The following SRGAP3 variants were observed in gnomAD, a reference collection of about 807,000 sequenced individuals.
The protein encoded by SRGAP3 is SLIT-ROBO Rho GTPase-activating protein 3.
In SRGAP3, 39 loss-of-function variants were observed where a neutral mutation model predicts 121.1. The ratio of observed to expected loss-of-function variants is 0.32; its 90% CI spans 0.25 to 0.42. The LOEUF (loss-of-function observed/expected upper bound fraction) is 0.42, where lower values mean the gene tolerates loss of function less well. Among genes scored for constraint, SRGAP3 ranks in the 10% least tolerant of loss-of-function variants. SRGAP3 has a pLI of 1.00. For missense variants in SRGAP3, 1,213 were observed against 1,470.6 expected (o/e 0.82, Z 2.86); for synonymous variants, 601 against 570.0 (o/e 1.05, Z -0.77).
chr3:9,302,453 G>A (rs79057241), intron 3 of SRGAP3, among the ~76,000 whole-genome samples: 23,935 of 152,076 alleles, frequency 0.16, 2,407 homozygotes, highest in Non-Finnish European at 0.23. Context: ...GCATGACATG[G>A]TGTCTGCAAG....
chr3:9,185,581 G>A (rs958016044), intron 1 of SRGAP3, among the ~76,000 whole-genome samples: 4 of 151,818 alleles, frequency 2.6e-5, no homozygotes, highest in Non-Finnish European at 5.9e-5. Context: ...ACCCAGGCTG[G>A]AGTGCAGTGG....
intron 1 of SRGAP3, among the ~76,000 whole-genome samples, chr3:9,229,052 G>A (rs1953104176): frequency 7.9e-6 from 1 of 126,744 alleles, no homozygotes; most frequent in African/African-American, 3.1e-5. Flanking sequence ...CTGGGCGACA[G>A]AGCGAGACTC....
intron 1 of SRGAP3, among the ~76,000 whole-genome samples, chr3:9,140,969 C>A (rs1949825294): frequency 6.6e-6 from 1 of 152,152 alleles, no homozygotes; most frequent in Non-Finnish European, 1.5e-5. Context: ...AGGAAGGTTG[C>A]AAAAATGTGA....
intron 3 of SRGAP3, among the ~76,000 whole-genome samples, chr3:9,303,153 G>A (rs1258056712): frequency 1.3e-5 from 2 of 151,962 alleles, no homozygotes; most frequent in East Asian, 1.9e-4. Context: ...TGCCAGGCGC[G>A]GTGGCTCATG....
intron 1 of SRGAP3, among the ~76,000 whole-genome samples, chr3:9,356,962 T>A (rs1404876867): frequency 6.6e-6 from 1 of 152,178 alleles, no homozygotes; most frequent in African/African-American, 2.4e-5. Flanking sequence ...TGTATTTTTT[T>A]ATATTATTTT....
chr3:9,317,442 GTT>G (rs936431756), intron 3 of SRGAP3, among the ~76,000 whole-genome samples: 2 of 152,198 alleles, frequency 1.3e-5, no homozygotes, highest in African/African-American at 4.8e-5. Context: ...CCATCTCACT[GTT>G]TTCCTTCCAG....
At position 9,104,781 on chromosome 3, in the gene SRGAP3, G is replaced by A. The variant is rs1560157659; in HGVS notation, c.322C>T (p.Arg108Trp). The A allele has an allele frequency of 6.2e-6, 10 of 1,614,062 alleles. No individual in the cohort carries two copies. Among genetic ancestry groups the A allele is most frequent in the South Asian group, 1.1e-5 (1 of 91,086 alleles). The change falls in exon 3 of 22, where the codon CGG (arginine) becomes TGG (tryptophan). Residue 108 changes from arginine to tryptophan, a missense_variant. This residue lies in a region of SRGAP3 where 793 missense variants were observed against 1,032.9 expected (regional missense o/e 0.77). Coordinates refer to ENST00000383836, the MANE Select transcript of SRGAP3 (RefSeq NM_014850.4). ...CWYLVLHQTR[R>W]ESRDHATLND... ...AGGGTGGCATGGTCTCGGCTCTCCC[G>A]CCGGGTCTGATGCAGAACCAGATAC...
chr3:9,354,428 C>T (rs1207959383), intron 1 of SRGAP3, among the ~76,000 whole-genome samples: 1 of 151,886 alleles, frequency 6.6e-6, no homozygotes, highest in African/African-American at 2.4e-5. Context: ...GCCTGTAATC[C>T]CAGCACTTTG....
At chr3:9,195,785 A>T (rs1261596940) in intron 1 of SRGAP3, among the ~76,000 whole-genome samples, 1 of 151,994 alleles carries the variant, frequency 6.6e-6, no homozygotes, top group East Asian at 1.9e-4. Context: ...GCAAGACGCC[A>T]TCTCTACAAA....
At chr3:9,137,281 G>C (rs752764579) in intron 1 of SRGAP3, among the ~76,000 whole-genome samples, 2 of 152,088 alleles carry the variant, frequency 1.3e-5, no homozygotes, top group Admixed American at 6.6e-5. Context: ...GGTAGTAAAG[G>C]CCAGGCTTAG....
At chr3:8,998,254 T>A (rs2124967468) in intron 18 of SRGAP3, among the ~76,000 whole-genome samples, 1 of 152,370 alleles carries the variant, frequency 6.6e-6, no homozygotes, top group East Asian at 1.9e-4. Flanking sequence ...TTGTACTTCC[T>A]ATTGCTTCTC....
In SRGAP3 at chr3:8,990,834, C is replaced by T. The variant is rs911132498; in HGVS notation, c.2564G>A (p.Arg855Gln). 3.3e-6 allele frequency: 5 copies of T among 1,537,636 alleles called. No individual in the cohort carries two copies. The highest frequency in any genetic ancestry group is 1.4e-5 in the African/African-American group (1 of 73,132). ...GATGGCTGCTCCATCAGATCGTAAC[C>T]GCACTCTGCAAAGGAGCCAGGGGGC... Reference protein sequence around the residue: ...YGFGGVMGRVRLRSDGAAIPR... With the variant: ...YGFGGVMGRVQLRSDGAAIPR... The change falls in exon 21 of 22, where the codon CGG (arginine) becomes CAG (glutamine). Residue 855 changes from arginine (R) to glutamine (Q), a missense_variant. Around this residue, in one of 2 missense-constraint regions of SRGAP3, gnomAD observed 420 missense variants for 437.7 expected, o/e 0.96. Coordinates refer to ENST00000383836, the MANE Select transcript of SRGAP3 (RefSeq NM_014850.4).
At chr3:9,066,226 C>T (rs371042631) in intron 4 of SRGAP3, among the ~76,000 whole-genome samples, 5 of 152,318 alleles carry the variant, frequency 3.3e-5, no homozygotes, top group East Asian at 1.9e-4. Flanking sequence ...TACTTTTCTT[C>T]TGCAATGCCA....
intron 4 of SRGAP3, among the ~76,000 whole-genome samples, chr3:9,076,250 G>A (rs1158708971): frequency 1.3e-5 from 2 of 152,076 alleles, no homozygotes; most frequent in Non-Finnish European, 2.9e-5. Context: ...ACAGAGTTTC[G>A]AGGTAGTTTG....
At chr3:9,224,004 A>G (rs974206665) in intron 1 of SRGAP3, among the ~76,000 whole-genome samples, 11 of 152,156 alleles carry the variant, frequency 7.2e-5, no homozygotes, top group African/African-American at 2.7e-4. Flanking sequence ...TTCCTTGTGC[A>G]ATGCCATTTC....
intron 3 of SRGAP3, among the ~76,000 whole-genome samples, chr3:9,311,854 C>T (rs1955252866): frequency 2.0e-5 from 3 of 152,150 alleles, no homozygotes; most frequent in African/African-American, 7.2e-5. Flanking sequence ...ACTTACCCTG[C>T]TGTAATACTA....
chr3:9,354,204 A>C (rs1375071222), intron 1 of SRGAP3, among the ~76,000 whole-genome samples: 1 of 152,182 alleles, frequency 6.6e-6, no homozygotes, highest in East Asian at 1.9e-4. Context: ...TAATAGCAAA[A>C]ATTGAAAAAG....
At chr3:9,096,240 G>A (rs566237671) in intron 3 of SRGAP3, among the ~76,000 whole-genome samples, 3 of 152,170 alleles carry the variant, frequency 2.0e-5, no homozygotes, top group Non-Finnish European at 2.9e-5. Context: ...ATAATTTGTA[G>A]TCAAAGAAAT....
chr3:9,025,661 T>A (rs1188783618), intron 13 of SRGAP3, among the ~76,000 whole-genome samples: 2 of 152,136 alleles, frequency 1.3e-5, no homozygotes, highest in African/African-American at 4.8e-5. Context: ...GACTCCAGAG[T>A]ATATTCTGGC....
Sources: allele counts gnomAD v4.1 joint callset (sites outside exome capture counted in the v4.1 genomes callset), GRCh38; gene constraint gnomAD v4.1.1; regional missense constraint gnomAD v4.1.1; transcripts MANE v1.5; gene names NCBI Gene and HGNC (gene_info 2026-07-23, HGNC 2026-07-21).